TRAPPC9: variants seen among roughly 807,000 people sequenced by gnomAD.
TRAPPC9 encodes the protein IKK2 binding protein.
TRAPPC9 carries 83 observed loss-of-function variants against 124.0 expected under a neutral mutation model. That is an observed-to-expected ratio of 0.67 (90% CI 0.56 to 0.80). TRAPPC9 has a LOEUF of 0.80. Ranked by LOEUF, TRAPPC9 falls within the 30% of genes least tolerant of loss-of-function variation. The pLI is 0.00. For synonymous variants in TRAPPC9, 638 were observed against 617.5 expected, an observed-to-expected ratio of 1.03 and a Z score of -0.49; for missense variants, 1,302 against 1,508.3, an observed-to-expected ratio of 0.86 and a Z score of 2.27.
chr8:140,152,860 C>A (rs2061568843), intron 17 of TRAPPC9, among the ~76,000 whole-genome samples: 1 of 152,084 alleles, frequency 6.6e-6, no homozygotes. Flanking sequence ...CCTTTCCAAC[C>A]TGGATGCTGT....
intron 19 of TRAPPC9, among the ~76,000 whole-genome samples, chr8:139,917,880 C>G (rs76323144): frequency 0.014 from 2,189 of 152,264 alleles, 62 homozygotes; most frequent in African/African-American, 0.05. Context: ...TAATACTGCT[C>G]GTTGTTAACA....
rs57196717 is a variant in TRAPPC9 at position 140,415,922 on chromosome 8, T to C, written c.887-10224A>G. Among the ~76,000 whole-genome samples the C allele has an allele frequency of 8.0e-3, 1,223 of 152,120 alleles. 11 individuals carry two copies. The highest frequency in any genetic ancestry group is 0.025 in the African/African-American group (1,038 of 41,486). On this transcript the variant is annotated intron_variant, in intron 5 of 22. Coordinates refer to ENST00000438773, the MANE Select transcript of TRAPPC9 (RefSeq NM_001160372.4). ...ACTATAGTGAACTATGACTGTACCA[T>C]TGCACTCTACCCTGGGCGACAGAGC...
rs1173687432 is a variant in TRAPPC9 at position 140,391,674 on chromosome 8, T to TGG, written c.1134+5945_1134+5946insCC. 2.8e-5 allele frequency among the ~76,000 whole-genome samples: 4 copies of TGG among 145,044 alleles called. No homozygotes were observed. In the Admixed American group the frequency reaches 2.8e-4, roughly 10 times the overall value. The stretch of plus-strand genomic sequence containing the variant: ...TTGTGGTGAGCCGAGATCGTGCCAT[T>TGG]GCACTCTAGCCTGGGCAACAACAGC... On this transcript the variant is annotated intron_variant, in intron 7 of 22. Coordinates refer to ENST00000438773, the MANE Select transcript of TRAPPC9 (RefSeq NM_001160372.4).
intron 17 of TRAPPC9, among the ~76,000 whole-genome samples, chr8:140,072,588 A>G (rs62527057): frequency 2.4e-3 from 59 of 24,944 alleles, no homozygotes; most frequent in African/African-American, 9.4e-3. Flanking sequence ...GGAGGAGGAG[A>G]AGGGAAGGAG....
intron 9 of TRAPPC9, among the ~76,000 whole-genome samples, chr8:140,349,833 G>A (rs1186760869): frequency 6.6e-6 from 1 of 152,184 alleles, no homozygotes; most frequent in Non-Finnish European, 1.5e-5. Context: ...GAGGGTAACG[G>A]GCTGCCACCA....
chr8:140,418,771 TAGACAGAC>T (rs57372376), intron 5 of TRAPPC9, among the ~76,000 whole-genome samples: 82 of 131,266 alleles, frequency 6.2e-4, no homozygotes, highest in Non-Finnish European at 9.0e-4. Context: ...GATAGATAGA[TAGACAGAC>T]AGACAGACAG....
intron 12 of TRAPPC9, 123 bp from the exon 13 acceptor site, chr8:140,287,857 C>T: frequency 1.5e-6 from 2 of 1,378,628 alleles, no homozygotes; most frequent in Non-Finnish European, 2.0e-6. Context: ...CACCAACAGT[C>T]TTCACAGAGA....
rs540022430 is a variant in TRAPPC9 at position 139,960,178 on chromosome 8, T to C, written c.2810+28548A>G. Among the ~76,000 whole-genome samples the C allele has an allele frequency of 3.0e-3, 464 of 152,346 alleles. 3 individuals are homozygous for C. The highest frequency in any genetic ancestry group is 0.01 in the African/African-American group (426 of 41,578). ...TATAACCCCGTCTGGCCTCATCACC[T>C]GTGGTCGGCATACTTTGGACCCTGC... On this transcript the variant is annotated intron_variant, in intron 19 of 22. Transcript: ENST00000438773.
At chr8:139,836,366 C>T (rs1006457182) in intron 21 of TRAPPC9, among the ~76,000 whole-genome samples, 3 of 152,212 alleles carry the variant, frequency 2.0e-5, no homozygotes, top group Admixed American at 6.5e-5. Context: ...GGAGCGGGAC[C>T]GATCCTGGTT....
chr8:140,045,054 G>A (rs1170631136), intron 17 of TRAPPC9, among the ~76,000 whole-genome samples: 1 of 152,168 alleles, frequency 6.6e-6, no homozygotes, highest in South Asian at 2.1e-4. Flanking sequence ...TCCAAAACCA[G>A]AGCCAAGTCA....
chr8:139,816,630 G>T (rs1355967881), intron 21 of TRAPPC9, among the ~76,000 whole-genome samples: 3 of 149,930 alleles, frequency 2.0e-5, no homozygotes, highest in Non-Finnish European at 3.0e-5. Context: ...GGACCCAACT[G>T]CAGGTCTGGG....
At chr8:140,057,458 T>A (rs1268408214) in intron 17 of TRAPPC9, among the ~76,000 whole-genome samples, 10 of 152,186 alleles carry the variant, frequency 6.6e-5, no homozygotes, top group African/African-American at 2.4e-4. Flanking sequence ...GACAGATGAA[T>A]GGATAAGCAA....
chr8:140,441,555 T>C (rs1429196058), intron 2 of TRAPPC9, among the ~76,000 whole-genome samples: 1 of 152,186 alleles, frequency 6.6e-6, no homozygotes, highest in East Asian at 1.9e-4. Flanking sequence ...GCATGGTGGC[T>C]CATACCTGTA....
chr8:140,165,317 G>C (rs943114628), intron 17 of TRAPPC9, among the ~76,000 whole-genome samples: 3 of 151,720 alleles, frequency 2.0e-5, no homozygotes, highest in African/African-American at 7.3e-5. Context: ...CTCCAGCCTG[G>C]ATGACAGAGT....
intron 19 of TRAPPC9, among the ~76,000 whole-genome samples, chr8:139,965,789 C>CAAGGGGAAATACAAACAA (rs1835667156): frequency 6.6e-6 from 1 of 152,128 alleles, no homozygotes; most frequent in African/African-American, 2.4e-5. Flanking sequence ...CCATGTTGAG[C>CAAGGGGAAATACAAACAA]AGAGTTGGCT....
intron 19 of TRAPPC9, among the ~76,000 whole-genome samples, chr8:139,940,035 C>G (rs929498088): frequency 6.6e-6 from 1 of 152,160 alleles, no homozygotes; most frequent in East Asian, 1.9e-4. Flanking sequence ...CTTTTTTCAC[C>G]CTAGGCAGCC....
intron 7 of TRAPPC9, among the ~76,000 whole-genome samples, chr8:140,381,405 C>T (rs113576740): frequency 0.032 from 4,914 of 152,014 alleles, 259 homozygotes; most frequent in African/African-American, 0.11. Context: ...CAGTGGCTCG[C>T]GCCTGTAATT....
intron 21 of TRAPPC9, among the ~76,000 whole-genome samples, chr8:139,829,644 G>A (rs10086080): frequency 0.36 from 54,187 of 152,106 alleles, 13,851 homozygotes; most frequent in African/African-American, 0.72. Flanking sequence ...CCTGCACTCT[G>A]GGAGGGAGGG....
intron 15 of TRAPPC9, among the ~76,000 whole-genome samples, chr8:140,269,300 G>A (rs1357013269): frequency 1.3e-5 from 2 of 152,102 alleles, no homozygotes; most frequent in African/African-American, 4.8e-5. Flanking sequence ...CCAGCACTTT[G>A]GGAGACTGAG....
Sources: allele counts gnomAD v4.1 joint callset (sites outside exome capture counted in the v4.1 genomes callset), GRCh38; gene constraint gnomAD v4.1.1; transcripts MANE v1.5; gene names NCBI Gene and HGNC (gene_info 2026-07-23, HGNC 2026-07-21).